Variants in FAM185A observed in about 807,000 individuals in gnomAD.
The protein encoded by FAM185A is protein FAM185A.
In FAM185A, 21 loss-of-function variants were observed where a neutral mutation model predicts 45.7. The observed-to-expected ratio is 0.46, with a 90% confidence interval of 0.33 to 0.66. The LOEUF is 0.66. Ranked by LOEUF, FAM185A falls within the 30% of genes least tolerant of loss-of-function variation. The pLI is 0.03. For missense variants in FAM185A, 305 were observed against 485.4 expected (o/e 0.63, Z 3.49); for synonymous variants, 117 against 194.0 (o/e 0.60, Z 3.30).
the FAM185A span, among the ~76,000 whole-genome samples, chr7:102,824,765 C>T: frequency 6.8e-6 from 1 of 148,146 alleles, no homozygotes; most frequent in South Asian, 2.2e-4. Flanking sequence ...GGATTACAGG[C>T]GTGAGCCACC....
intron 6 of FAM185A, among the ~76,000 whole-genome samples, chr7:102,786,817 T>G (rs1795830348): frequency 7.4e-6 from 1 of 134,478 alleles, no homozygotes; most frequent in African/African-American, 3.2e-5. Context: ...ACCCTAAAAC[T>G]TAAAGTATAA....
chr7:102,793,358 C>T (rs1449656372), intron 7 of FAM185A, among the ~76,000 whole-genome samples: 4 of 152,052 alleles, frequency 2.6e-5, no homozygotes, highest in African/African-American at 9.7e-5. Flanking sequence ...ACTACAGGCG[C>T]CCGCCACCAT....
chr7:102,805,063 G>C (rs551036585), intron 7 of FAM185A, among the ~76,000 whole-genome samples: 1 of 152,250 alleles, frequency 6.6e-6, no homozygotes, highest in South Asian at 2.1e-4. Flanking sequence ...GATCAGGTTA[G>C]ACTTCTACAC....
chr7:102,755,640 G>A, intron 2 of FAM185A: 3 of 593,584 alleles, frequency 5.1e-6, no homozygotes, highest in Non-Finnish European at 9.2e-6. Flanking sequence ...TGAGCTGACT[G>A]TTTTCCTGCC....
At chr7:102,813,307 C>T (rs1244753942), downstream of FAM185A, 2 of 1,558,872 alleles carry the variant, frequency 1.3e-6, no homozygotes, top group Admixed American at 4.0e-5. Context: ...TTGCCAAGTT[C>T]TTGATTTTTT....
the FAM185A span, among the ~76,000 whole-genome samples, chr7:102,832,671 C>T: frequency 6.6e-6 from 1 of 152,140 alleles, no homozygotes; most frequent in Admixed American, 6.5e-5. Flanking sequence ...ACTTTGACAC[C>T]AGTGGAATCA....
the FAM185A span, among the ~76,000 whole-genome samples, chr7:102,826,623 G>A: frequency 1.3e-5 from 2 of 148,846 alleles, no homozygotes; most frequent in African/African-American, 4.9e-5. Flanking sequence ...TACTCAGGAG[G>A]CTGAGGTGGG....
At chr7:102,823,438 T>A in the FAM185A span, among the ~76,000 whole-genome samples, 1 of 152,134 alleles carries the variant, frequency 6.6e-6, no homozygotes, top group African/African-American at 2.4e-5. Flanking sequence ...GAGACAGATG[T>A]TTGGAAGCAA....
chr7:102,826,724 CATATATATATATATATATATATAT>C, the FAM185A span, among the ~76,000 whole-genome samples: 4,813 of 62,754 alleles, frequency 0.077, 551 homozygotes, highest in African/African-American at 0.2. Flanking sequence ...GACCCTGTCT[CATATATATATATATATATATATAT>C]ATATATATAT....
At chr7:102,758,175 A>AT (rs1793877352) in intron 3 of FAM185A, among the ~76,000 whole-genome samples, 1 of 152,132 alleles carries the variant, frequency 6.6e-6, no homozygotes, top group Non-Finnish European at 1.5e-5. Context: ...TCTGGAATCA[A>AT]TAAAAACTTA....
chr7:102,800,475 A>G (rs537381723), intron 7 of FAM185A, among the ~76,000 whole-genome samples: 1 of 152,344 alleles, frequency 6.6e-6, no homozygotes, highest in African/African-American at 2.4e-5. Context: ...GACGAAGCCC[A>G]ATATAACGAA....
chr7:102,822,183 C>G, the FAM185A span: 1 of 1,614,092 alleles, frequency 6.2e-7, no homozygotes, highest in Non-Finnish European at 8.5e-7. Context: ...CCGATAACAT[C>G]TCCATTGCTG....
the FAM185A span, among the ~76,000 whole-genome samples, chr7:102,830,365 C>T: frequency 6.6e-6 from 1 of 152,194 alleles, no homozygotes; most frequent in African/African-American, 2.4e-5. Context: ...TCACTTCTCA[C>T]TAAGCCATGT....
chr7:102,774,913 T>TTA (rs1794964593), intron 5 of FAM185A, among the ~76,000 whole-genome samples: 1 of 152,140 alleles, frequency 6.6e-6, no homozygotes, highest in African/African-American at 2.4e-5. Flanking sequence ...TTCTTTAAAA[T>TTA]ATCTATCATT....
chr7:102,776,969 C>A (rs182202132), intron 5 of FAM185A, among the ~76,000 whole-genome samples: 4 of 152,242 alleles, frequency 2.6e-5, no homozygotes, highest in African/African-American at 9.6e-5. Context: ...CCATTACTTG[C>A]AGACTCTCCT....
At chr7:102,788,272 G>T (rs1243708733) in intron 7 of FAM185A, among the ~76,000 whole-genome samples, 1 of 152,020 alleles carries the variant, frequency 6.6e-6, no homozygotes, top group Non-Finnish European at 1.5e-5. Context: ...CCTGGCCAAG[G>T]TTTGTTGTTT....
chr7:102,831,558 T>C, the FAM185A span, among the ~76,000 whole-genome samples: 3 of 152,118 alleles, frequency 2.0e-5, no homozygotes, highest in African/African-American at 7.2e-5. Context: ...ATTTATGGAG[T>C]AGGGGCTGGA....
At chr7:102,771,888 A>T (rs1411694974) in intron 4 of FAM185A, among the ~76,000 whole-genome samples, 1 of 152,164 alleles carries the variant, frequency 6.6e-6, no homozygotes, top group African/African-American at 2.4e-5. Context: ...CTGTTTTGTT[A>T]GTCATACCTC....
chr7:102,805,033 G>GA (rs1156850749), intron 7 of FAM185A, among the ~76,000 whole-genome samples: 1 of 152,210 alleles, frequency 6.6e-6, no homozygotes, highest in Non-Finnish European at 1.5e-5. Flanking sequence ...AAAAACAGTA[G>GA]ATGTTGGTGT....
Sources: allele counts gnomAD v4.1 joint callset (sites outside exome capture counted in the v4.1 genomes callset), GRCh38; gene constraint gnomAD v4.1.1; transcripts MANE v1.5; gene names NCBI Gene and HGNC (gene_info 2026-07-23, HGNC 2026-07-21).